RIMS1: variants seen among roughly 807,000 people sequenced by gnomAD.
RIMS1 encodes regulating synaptic membrane exocytosis 1.
In RIMS1, 83 loss-of-function variants were observed where a neutral mutation model predicts 214.1. The observed-to-expected ratio is 0.39, with a 90% CI of 0.32 to 0.47. The LOEUF is 0.47. Ranked by LOEUF, RIMS1 falls within the 20% of genes least tolerant of loss-of-function variation. The pLI is 0.99. For missense variants in RIMS1, 2,050 were observed against 2,161.8 expected (o/e 0.95, Z 1.03); for synonymous variants, 793 against 786.8 (o/e 1.01, Z -0.13).
intron 5 of RIMS1, among the ~76,000 whole-genome samples, chr6:72,180,864 G>T (rs2048318474): frequency 6.6e-6 from 1 of 152,180 alleles, no homozygotes; most frequent in Admixed American, 6.5e-5. Flanking sequence ...AAGTTAAATA[G>T]GTCTGGATTC....
intron 4 of RIMS1, among the ~76,000 whole-genome samples, chr6:72,127,090 G>A (rs2039669669): frequency 6.6e-6 from 1 of 152,164 alleles, no homozygotes; most frequent in South Asian, 2.1e-4. Context: ...TATCAGAGAA[G>A]AAACACCTAC....
intron 19 of RIMS1, chr6:72,261,767 A>G (rs1310076492): frequency 2.3e-5 from 23 of 985,224 alleles, no homozygotes; most frequent in Non-Finnish European, 2.5e-5. Context: ...GCTAATAAAA[A>G]TTGTTTGAAC....
At chr6:72,036,851 A>C (rs1439227975) in intron 2 of RIMS1, among the ~76,000 whole-genome samples, 1 of 152,172 alleles carries the variant, frequency 6.6e-6, no homozygotes, top group Non-Finnish European at 1.5e-5. Flanking sequence ...CTAGAAATGA[A>C]AGGGGGCAAC....
chr6:72,202,920 T>C (rs1463988300), intron 6 of RIMS1, among the ~76,000 whole-genome samples: 1 of 152,218 alleles, frequency 6.6e-6, no homozygotes, highest in African/African-American at 2.4e-5. Flanking sequence ...TTAAATGAGA[T>C]TATTCATGGC....
Position 72,274,381 on chromosome 6 carries a change from G to C in RIMS1, c.3431G>C (p.Arg1144Pro), listed in dbSNP as rs765007580. The C allele has an allele frequency of 1.9e-6, 3 of 1,612,832 alleles. No homozygotes were observed. Among genetic ancestry groups the C allele is most frequent in the Non-Finnish European group, 2.5e-6 (3 of 1,179,172 alleles). Reference sequence around the variant, plus strand: ...TGGTCCCCCTCCCTAGATAGGAGACGACCTCCTAGTCCCAGGATTCAAATC... The same window carrying C: ...TGGTCCCCCTCCCTAGATAGGAGACCACCTCCTAGTCCCAGGATTCAAATC... Reference protein sequence around the residue: ...GRWSPSLDRRRPPSPRIQIQH... With the variant: ...GRWSPSLDRRPPPSPRIQIQH... Residue 1144 changes from arginine (R) to proline (P), a missense_variant, in exon 23 of 34, where the codon CGA becomes CCA. Coordinates refer to ENST00000521978, the MANE Select transcript of RIMS1 (RefSeq NM_014989.7).
At chr6:72,398,811 G>C (rs2098808233) in intron 32 of RIMS1, 144 bp from the exon 33 acceptor site, 4 of 554,960 alleles carry the variant, frequency 7.2e-6, no homozygotes, top group East Asian at 2.9e-5. Flanking sequence ...AGAATTTATG[G>C]AGCAATGGAA....
At chr6:72,399,167 A>G in intron 33 of RIMS1, 73 bp downstream of exon 33, 1 of 1,291,378 alleles carries the variant, frequency 7.7e-7, no homozygotes, top group Non-Finnish European at 1.0e-6. Context: ...ATGGTCAAAC[A>G]CAAAGAGAAT....
At chr6:72,000,099 A>G (rs919960463) in intron 2 of RIMS1, among the ~76,000 whole-genome samples, 4 of 151,608 alleles carry the variant, frequency 2.6e-5, no homozygotes, top group African/African-American at 7.3e-5. Context: ...CAAATGAGGG[A>G]AAAAAAACAG....
At chr6:72,279,527 A>G (rs929366128) in intron 23 of RIMS1, among the ~76,000 whole-genome samples, 21 of 152,226 alleles carry the variant, frequency 1.4e-4, no homozygotes, top group South Asian at 1.2e-3. Flanking sequence ...TGATTCTTGC[A>G]TGTTTAAAAC....
At chr6:72,275,022 C>A (rs2085449976) in intron 23 of RIMS1, among the ~76,000 whole-genome samples, 1 of 150,238 alleles carries the variant, frequency 6.7e-6, no homozygotes. Context: ...TGCTTTGAAT[C>A]CACTTTATGC....
chr6:72,245,014 A>G (rs988017596), intron 10 of RIMS1, among the ~76,000 whole-genome samples: 2 of 152,006 alleles, frequency 1.3e-5, no homozygotes, highest in African/African-American at 4.8e-5. Context: ...TTGGAAAATG[A>G]GAAGTAAAAT....
At chr6:72,340,042 T>C in intron 29 of RIMS1, among the ~76,000 whole-genome samples, 1 of 152,046 alleles carries the variant, frequency 6.6e-6, no homozygotes, top group East Asian at 1.9e-4. Context: ...CCAGTGATGA[T>C]GAGCATTTTT....
At chr6:71,963,317 A>T (rs890459192) in intron 1 of RIMS1, among the ~76,000 whole-genome samples, 1 of 152,172 alleles carries the variant, frequency 6.6e-6, no homozygotes, top group Non-Finnish European at 1.5e-5. Flanking sequence ...TTAACCTCTT[A>T]GATCCATACT....
At chr6:72,184,889 G>T (rs2048883476) in intron 6 of RIMS1, among the ~76,000 whole-genome samples, 1 of 152,144 alleles carries the variant, frequency 6.6e-6, no homozygotes, top group African/African-American at 2.4e-5. Context: ...CTGCCTCTAT[G>T]TATAAAACTA....
chr6:72,019,957 G>A (rs1402287354), intron 2 of RIMS1, among the ~76,000 whole-genome samples: 1 of 152,164 alleles, frequency 6.6e-6, no homozygotes, highest in African/African-American at 2.4e-5. Context: ...AGCTATACCA[G>A]ATATTCTATA....
intron 2 of RIMS1, among the ~76,000 whole-genome samples, chr6:71,972,886 T>G (rs770253060): frequency 1.3e-5 from 2 of 152,136 alleles, no homozygotes; most frequent in Non-Finnish European, 2.9e-5. Context: ...CAGGGAAGGA[T>G]TTACAGAGCT....
chr6:72,386,717 G>A (rs1037418594), intron 29 of RIMS1, among the ~76,000 whole-genome samples: 5 of 147,336 alleles, frequency 3.4e-5, no homozygotes, highest in Non-Finnish European at 7.4e-5. Context: ...TTGTATCTTC[G>A]TTTCACTGTC....
intron 1 of RIMS1, among the ~76,000 whole-genome samples, chr6:71,919,539 C>T (rs1341172479): frequency 6.6e-6 from 1 of 151,954 alleles, no homozygotes; most frequent in Non-Finnish European, 1.5e-5. Flanking sequence ...TTAAGACTGG[C>T]ACTTGGGAGT....
At chr6:72,228,844 G>C (rs1197268932) in intron 6 of RIMS1, among the ~76,000 whole-genome samples, 1 of 151,704 alleles carries the variant, frequency 6.6e-6, no homozygotes, top group African/African-American at 2.4e-5. Context: ...TTTTATAATA[G>C]GCCATCCTAA....
Sources: gnomAD v4.1 joint callset for allele counts (sites outside exome capture counted in the v4.1 genomes callset) on GRCh38, gnomAD v4.1.1 for gene constraint, MANE v1.5 for transcripts, NCBI Gene and HGNC (gene_info 2026-07-23, HGNC 2026-07-21) for gene names.